Variants in CNTLN observed in about 807,000 individuals in gnomAD.
CNTLN encodes the protein centlein.
A neutral mutation model predicts 180.0 loss-of-function variants in CNTLN; 212 were observed. That is an observed-to-expected ratio of 1.18 (90% CI 1.05 to 1.32). The LOEUF (loss-of-function observed/expected upper bound fraction) is 1.32. CNTLN is among the 40% of genes most tolerant of loss of function. The probability of loss-of-function intolerance (pLI) is 0.00; values close to 1 mark genes in which losing one functional copy is unlikely to be tolerated. For missense variants in CNTLN, 2,095 were observed against 1,610.9 expected (o/e 1.30, Z -5.14); for synonymous variants, 722 against 563.1 (o/e 1.28, Z -3.99).
At chr9:17,401,405 G>A (rs1480364298) in intron 15 of CNTLN, among the ~76,000 whole-genome samples, 1 of 151,684 alleles carries the variant, frequency 6.6e-6, no homozygotes, top group African/African-American at 2.4e-5. Context: ...GTGGAGTCAA[G>A]CTCTGTTTCC....
At chr9:17,404,242 A>G (rs1827204484) in intron 15 of CNTLN, among the ~76,000 whole-genome samples, 1 of 151,810 alleles carries the variant, frequency 6.6e-6, no homozygotes, top group Non-Finnish European at 1.5e-5. Context: ...AAGTTAGGGT[A>G]TATGCCCTAA....
intron 2 of CNTLN, among the ~76,000 whole-genome samples, chr9:17,194,985 C>T (rs569840502): frequency 7.1e-4 from 108 of 152,210 alleles, no homozygotes; most frequent in Non-Finnish European, 1.4e-3. Context: ...ACCATGAGAA[C>T]AGTATGGGGG....
At chr9:17,379,766 C>G (rs1205983947) in intron 13 of CNTLN, among the ~76,000 whole-genome samples, 1 of 152,154 alleles carries the variant, frequency 6.6e-6, no homozygotes, top group Non-Finnish European at 1.5e-5. Context: ...TTTTCTGACA[C>G]CTGTTTCCTT....
At chr9:17,190,536 CTGT>C (rs944771040) in intron 2 of CNTLN, among the ~76,000 whole-genome samples, 5 of 151,892 alleles carry the variant, frequency 3.3e-5, no homozygotes, top group African/African-American at 9.7e-5. Flanking sequence ...TAGCACATTT[CTGT>C]TGTTGTTATA....
chr9:17,359,720 AAATAC>A lies in CNTLN; in HGVS notation c.1887-6894_1887-6890del, dbSNP rs1174292376. On this transcript the variant is annotated intron_variant, in intron 12 of 25. Transcript: ENST00000380647. ...CACGGTGAAACTCCGTCTATACTAA[AAATAC>A]AAAAAAAAAAAAAAAAAAAAAAAAA... Among the ~76,000 whole-genome samples the A allele has an allele frequency of 6.7e-3, 520 of 77,760 alleles. 54 individuals carry two copies. The highest frequency in any genetic ancestry group is 0.013 in the Middle Eastern group (2 of 154). The allele number at this position is 77,760 out of a possible 152,430, so 51.0% of individuals were successfully genotyped here. A position where few individuals can be genotyped will look rare whatever the true frequency, so the allele number is the denominator to read the frequency against.
intron 2 of CNTLN, among the ~76,000 whole-genome samples, chr9:17,158,683 A>G (rs1352899224): frequency 1.3e-5 from 2 of 151,862 alleles, no homozygotes; most frequent in East Asian, 3.9e-4. Flanking sequence ...TATTCCTTAC[A>G]TTTTTATAGT....
At chr9:17,178,729 G>A (rs1820908734) in intron 2 of CNTLN, among the ~76,000 whole-genome samples, 1 of 151,966 alleles carries the variant, frequency 6.6e-6, no homozygotes, top group Admixed American at 6.5e-5. Context: ...TGGCCCACAA[G>A]GGTTGCGGGC....
chr9:17,269,184 C>T (rs974815785), intron 5 of CNTLN, among the ~76,000 whole-genome samples: 1 of 152,126 alleles, frequency 6.6e-6, no homozygotes, highest in Non-Finnish European at 1.5e-5. Flanking sequence ...TTGGCTCCAT[C>T]TGTATCAATT....
chr9:17,267,167 T>A lies in CNTLN; in HGVS notation c.850-6566T>A, dbSNP rs12006332. ...TTTACATTTTGGCATGTTTTTGCAG[T>A]GGCTGGTACCGGTTGTTCCTTTCCA... On this transcript the variant is annotated intron_variant, in intron 5 of 25. Transcript: ENST00000380647. Among the ~76,000 whole-genome samples, 242 of 152,198 alleles carry A rather than the reference T, an allele frequency of 1.6e-3. 1 individual carries two copies. The highest frequency in any genetic ancestry group is 5.6e-3 in the African/African-American group (233 of 41,512).
intron 13 of CNTLN, among the ~76,000 whole-genome samples, chr9:17,384,307 T>A (rs1304763355): frequency 6.7e-6 from 1 of 149,748 alleles, no homozygotes; most frequent in Admixed American, 6.7e-5. Flanking sequence ...AAAAAACTAC[T>A]TATCCTTCTG....
chr9:17,264,584 G>C (rs1827263833), intron 5 of CNTLN, among the ~76,000 whole-genome samples: 1 of 152,084 alleles, frequency 6.6e-6, no homozygotes, highest in South Asian at 2.1e-4. Flanking sequence ...TGTGAAGAAA[G>C]TCATTGGTAG....
At chr9:17,521,265 A>G in the CNTLN span, among the ~76,000 whole-genome samples, 45 of 118,598 alleles carry the variant, frequency 3.8e-4, no homozygotes, top group African/African-American at 9.4e-4. Context: ...AAGGGAGAAA[A>G]AGAGAGAGAG....
At chr9:17,139,767 C>T (rs950280619) in intron 1 of CNTLN, among the ~76,000 whole-genome samples, 1 of 152,110 alleles carries the variant, frequency 6.6e-6, no homozygotes, top group Non-Finnish European at 1.5e-5. Flanking sequence ...TACAGTGGTG[C>T]AATCATGGCT....
chr9:17,298,138 C>G (rs1262830219), intron 6 of CNTLN, 52 bp from the exon 7 acceptor site: 1 of 1,346,030 alleles, frequency 7.4e-7, no homozygotes, highest in Non-Finnish European at 9.7e-7. Flanking sequence ...AATTATTTAA[C>G]TGAGATGATC....
In CNTLN at chr9:17,263,373, C is replaced by G. The variant is rs993005162; in HGVS notation, c.850-10360C>G. ...CATGTCCCTACAAAGGACATGAACTCATCATTTTTTATGGCTGCATAGTAT... is the reference window on the plus strand; with the variant it reads ...CATGTCCCTACAAAGGACATGAACTGATCATTTTTTATGGCTGCATAGTAT... On this transcript the variant is annotated intron_variant, in intron 5 of 25. Coordinates refer to ENST00000380647, the MANE Select transcript of CNTLN (RefSeq NM_017738.4). Among the ~76,000 whole-genome samples, 8 of 151,074 alleles carry G rather than the reference C, an allele frequency of 5.3e-5. 1 individual carries two copies. The highest frequency in any genetic ancestry group is 2.0e-4 in the East Asian group (1 of 5,124).
rs931196053 is a variant in CNTLN at position 17,341,357 on chromosome 9, T to G, written c.1766+409T>G. Among the ~76,000 whole-genome samples the G allele has an allele frequency of 5.9e-5, 9 of 152,214 alleles. No homozygotes were observed. In the South Asian group the frequency reaches 1.7e-3, roughly 28 times the overall value. Reference sequence around the variant, plus strand: ...TTTTAGTGGAAAGACTAGAGAAATATGAAATTCACATATATAGTTAACTAT... The same window carrying G: ...TTTTAGTGGAAAGACTAGAGAAATAGGAAATTCACATATATAGTTAACTAT... On this transcript the variant is annotated intron_variant, in intron 11 of 25. Coordinates refer to ENST00000380647, the MANE Select transcript of CNTLN (RefSeq NM_017738.4).
At chr9:17,358,073 A>G (rs1475060663) in intron 12 of CNTLN, among the ~76,000 whole-genome samples, 1 of 152,058 alleles carries the variant, frequency 6.6e-6, no homozygotes, top group Non-Finnish European at 1.5e-5. Flanking sequence ...TTGTAGTTTT[A>G]TCTAGGGAAT....
intron 18 of CNTLN, among the ~76,000 whole-genome samples, chr9:17,456,082 G>C (rs1235280142): frequency 6.6e-6 from 1 of 152,118 alleles, no homozygotes; most frequent in Non-Finnish European, 1.5e-5. Flanking sequence ...TTTGCATTAA[G>C]AGAGTGGCTG....
rs999740984 is a variant in CNTLN at position 17,292,977 on chromosome 9, T to C, written c.984-5213T>C. 2.6e-5 allele frequency among the ~76,000 whole-genome samples: 4 copies of C among 152,216 alleles called. No homozygotes were observed. In the South Asian group the frequency reaches 6.2e-4, roughly 24 times the overall value. The stretch of plus-strand genomic sequence containing the variant: ...AGGACCTTTTTGTTGATGCTGTTAT[T>C]GTTGTTGCTTTCTGTTTGTTTTTCT... On this transcript the variant is annotated intron_variant, in intron 6 of 25. Coordinates refer to ENST00000380647, the MANE Select transcript of CNTLN (RefSeq NM_017738.4).
Sources: gnomAD v4.1 joint callset for allele counts (sites outside exome capture counted in the v4.1 genomes callset) on GRCh38, gnomAD v4.1.1 for gene constraint, MANE v1.5 for transcripts, NCBI Gene and HGNC (gene_info 2026-07-23, HGNC 2026-07-21) for gene names.